The following DACH1 variants were observed in gnomAD, a reference collection of about 807,000 sequenced individuals.
The protein encoded by DACH1 is dachshund homolog 1.
A neutral mutation model predicts 54.2 loss-of-function variants in DACH1; 12 were observed. The ratio of observed to expected loss-of-function variants is 0.22; its 90% CI spans 0.14 to 0.36. DACH1 has a LOEUF of 0.36. DACH1 is among the 10% of genes least tolerant of loss of function. DACH1 has a pLI of 1.00. For synonymous variants in DACH1, 386 were observed against 366.2 expected (o/e 1.05, Z -0.62); for missense variants, 805 against 929.8 (o/e 0.87, Z 1.75).
chr13:71,808,526 T>C (rs1887595882), intron 1 of DACH1, among the ~76,000 whole-genome samples: 1 of 152,210 alleles, frequency 6.6e-6, no homozygotes, highest in South Asian at 2.1e-4. Flanking sequence ...TTGGAGGCAC[T>C]AATGTAATCT....
chr13:71,673,344 A>C (rs1880317730), intron 2 of DACH1, among the ~76,000 whole-genome samples: 1 of 152,174 alleles, frequency 6.6e-6, no homozygotes, highest in African/African-American at 2.4e-5. Context: ...CATGTTACAT[A>C]GGAAAAAGAA....
chr13:71,857,144 A>T (rs1313060667), intron 1 of DACH1, among the ~76,000 whole-genome samples: 1 of 151,814 alleles, frequency 6.6e-6, no homozygotes, highest in African/African-American at 2.4e-5. Flanking sequence ...AATAATTCTT[A>T]TACATATATT....
intron 1 of DACH1, among the ~76,000 whole-genome samples, chr13:71,808,240 G>T (rs303967): frequency 0.33 from 49,668 of 151,924 alleles, 8,628 homozygotes; most frequent in African/African-American, 0.42. Flanking sequence ...CTATTTCATA[G>T]TTGTAATGCC....
At chr13:71,639,545 T>C (rs894575640) in intron 2 of DACH1, among the ~76,000 whole-genome samples, 13 of 152,112 alleles carry the variant, frequency 8.5e-5, no homozygotes, top group South Asian at 2.1e-4. Context: ...TGGAGATATA[T>C]ACAGTAAGAA....
At position 71,842,729 on chromosome 13, in the gene DACH1, AAAG is replaced by A. The variant is rs3076551; in HGVS notation, c.848+23190_848+23192del. Reference sequence around the variant, plus strand: ...CTGGTGGAGGTTAGAAGAAAAAAAAAAAGAAGATATTTAAATACTCACCTATTA... The same window carrying A: ...CTGGTGGAGGTTAGAAGAAAAAAAAAAAGATATTTAAATACTCACCTATTA... On this transcript the variant is annotated intron_variant, in intron 1 of 10. Transcript: ENST00000613252. 0.055 allele frequency among the ~76,000 whole-genome samples: 8,408 copies of A among 152,108 alleles called. 968 individuals are homozygous for A. The East Asian group carries it at 0.56, about 10-fold the overall frequency.
chr13:71,773,929 T>C (rs540333816), intron 1 of DACH1, among the ~76,000 whole-genome samples: 22 of 151,952 alleles, frequency 1.4e-4, no homozygotes, highest in Admixed American at 1.3e-3. Flanking sequence ...AATTTTACTT[T>C]CTATAAATAG....
At chr13:71,458,665 A>G (rs1875803255) in intron 10 of DACH1, among the ~76,000 whole-genome samples, 1 of 151,920 alleles carries the variant, frequency 6.6e-6, no homozygotes, top group Non-Finnish European at 1.5e-5. Flanking sequence ...TAAATATTGT[A>G]TAGAGTATAT....
At chr13:71,634,637 C>G (rs1877338485) in intron 2 of DACH1, among the ~76,000 whole-genome samples, 1 of 152,148 alleles carries the variant, frequency 6.6e-6, no homozygotes. Flanking sequence ...AAAGAGCTCT[C>G]AACATCTCAA....
chr13:71,589,040 T>C (rs932714051), intron 3 of DACH1, among the ~76,000 whole-genome samples: 5 of 151,848 alleles, frequency 3.3e-5, no homozygotes, highest in Non-Finnish European at 7.4e-5. Context: ...ATCAAAAAAA[T>C]AAAATAAAAA....
At chr13:71,585,829 C>T (rs1320861029) in intron 3 of DACH1, among the ~76,000 whole-genome samples, 1 of 152,004 alleles carries the variant, frequency 6.6e-6, no homozygotes, top group Admixed American at 6.6e-5. Context: ...TTCTGTCATC[C>T]ACCACATTGA....
intron 2 of DACH1, among the ~76,000 whole-genome samples, chr13:71,669,304 C>A (rs545695934): frequency 6.6e-6 from 1 of 152,052 alleles, no homozygotes; most frequent in East Asian, 1.9e-4. Flanking sequence ...TTTGAATTAG[C>A]GCCTGAGCTC....
At chr13:71,765,495 T>G (rs1426064715) in intron 1 of DACH1, among the ~76,000 whole-genome samples, 2 of 152,210 alleles carry the variant, frequency 1.3e-5, no homozygotes, top group East Asian at 3.8e-4. Flanking sequence ...GAGTCTTACT[T>G]ATACTATGCA....
chr13:71,708,915 C>T (rs532842516), intron 1 of DACH1, among the ~76,000 whole-genome samples: 87 of 144,980 alleles, frequency 6.0e-4, no homozygotes, highest in Admixed American at 4.9e-3. Context: ...TGCAGTGGCG[C>T]GATCTCGGCT....
intron 7 of DACH1, among the ~76,000 whole-genome samples, chr13:71,482,292 A>G (rs1296488260): frequency 2.6e-5 from 4 of 152,166 alleles, no homozygotes; most frequent in African/African-American, 9.7e-5. Context: ...CGGCTTAGAA[A>G]GTACAATATC....
chr13:71,687,484 C>G (rs1454794456), intron 1 of DACH1, among the ~76,000 whole-genome samples: 2 of 152,044 alleles, frequency 1.3e-5, no homozygotes, highest in Non-Finnish European at 2.9e-5. Context: ...GAAAAAAAGA[C>G]TGAAAGGAAA....
chr13:71,668,893 C>T (rs1369466563), intron 2 of DACH1, among the ~76,000 whole-genome samples: 1 of 151,948 alleles, frequency 6.6e-6, no homozygotes, highest in Non-Finnish European at 1.5e-5. Flanking sequence ...CCACTGCACT[C>T]CAGCCTGTAC....
At chr13:71,515,277 AAAATAT>A (rs1449839099) in intron 6 of DACH1, among the ~76,000 whole-genome samples, 4 of 151,966 alleles carry the variant, frequency 2.6e-5, no homozygotes, top group Admixed American at 6.6e-5. Flanking sequence ...AGTCATAATG[AAAATAT>A]AAAGACAACA....
intron 3 of DACH1, among the ~76,000 whole-genome samples, chr13:71,619,114 G>A (rs116276325): frequency 0.15 from 21,810 of 150,012 alleles, 3,636 homozygotes; most frequent in African/African-American, 0.4. Context: ...ATATATGTGT[G>A]TATATATATA....
chr13:71,866,831 G>A lies in DACH1; in HGVS notation c.-62C>T, dbSNP rs1874857342. 1.6e-6 allele frequency: 2 copies of A among 1,257,674 alleles called. No individual in the cohort carries two copies. The highest frequency in any genetic ancestry group is 2.1e-4 in the Middle Eastern group (1 of 4,708). 77.9% of individuals were successfully genotyped at this position (1,257,674 alleles called of 1,614,324 possible). ...AGAGGAAAAGTTGCCACACACCCCC[G>A]GGAGGGGAAGGGGAAAAAAGGGGGG... On this transcript the variant is annotated 5_prime_UTR_variant, in exon 1 of 11. Coordinates refer to ENST00000613252, the MANE Select transcript of DACH1 (RefSeq NM_080759.6).
Sources: allele counts gnomAD v4.1 joint callset (sites outside exome capture counted in the v4.1 genomes callset), GRCh38; gene constraint gnomAD v4.1.1; transcripts MANE v1.5; gene names NCBI Gene and HGNC (gene_info 2026-07-23, HGNC 2026-07-21).